PALS2: variants seen among roughly 807,000 people sequenced by gnomAD.
PALS2 encodes the protein protein PALS2.
A neutral mutation model predicts 61.6 loss-of-function variants in PALS2; 27 were observed. The ratio of observed to expected loss-of-function variants is 0.44; its 90% CI spans 0.32 to 0.60. The LOEUF is 0.60. Among genes scored for constraint, PALS2 ranks in the 20% least tolerant of loss-of-function variants. The probability of loss-of-function intolerance (pLI) is 0.05; values close to 1 mark genes in which losing one functional copy is unlikely to be tolerated. For synonymous variants in PALS2, 236 were observed against 218.6 expected (o/e 1.08, Z -0.70); for missense variants, 554 against 639.4 (o/e 0.87, Z 1.44).
At position 24,679,298 on chromosome 7, in the gene PALS2, A is replaced by G; in HGVS notation, c.1282A>G (p.Thr428Ala). 1.2e-6 allele frequency: 2 copies of G among 1,614,054 alleles called. No individual in the cohort carries two copies. The highest frequency in any genetic ancestry group is 2.7e-5 in the African/African-American group (2 of 75,040). ...KIDSILEVVQTGRTCILDVNP... is the reference protein window; with the variant it reads ...KIDSILEVVQAGRTCILDVNP... ...TGATTCTATTCTTGAGGTTGTCCAA[A>G]CTGGACGGACTTGCATTCTGGATGT... The change falls in exon 10 of 12, where the codon ACT becomes GCT. Residue 428 changes from threonine to alanine, a missense_variant. Transcript: ENST00000222644.
intron 9 of PALS2, among the ~76,000 whole-genome samples, chr7:24,672,311 T>C (rs914543844): frequency 1.3e-5 from 2 of 151,864 alleles, no homozygotes; most frequent in African/African-American, 4.8e-5. Flanking sequence ...CACTGCAGCC[T>C]CCACCTCCTG....
chr7:24,679,179 A>T lies in PALS2; in HGVS notation c.1163A>T (p.Lys388Met), dbSNP rs138961493. 3.7e-5 allele frequency: 59 copies of T among 1,613,948 alleles called. No individual in the cohort carries two copies. In the African/African-American group the frequency reaches 7.3e-4, roughly 20 times the overall value. The change falls in exon 10 of 12, where the codon AAG (lysine) becomes ATG (methionine). Residue 388 changes from lysine to methionine, a missense_variant. Transcript: ENST00000222644. ...GATGAAAAAGATGGCCAGGCATATAAGTTTGTGTCACGATCTGAGATGGAA... is the reference window on the plus strand; with the variant it reads ...GATGAAAAAGATGGCCAGGCATATATGTTTGTGTCACGATCTGAGATGGAA... ...REDEKDGQAY[K>M]FVSRSEMEAD... is the part of the protein sequence containing the mutation.
rs757869072 is a variant in PALS2 at position 24,582,883 on chromosome 7, C to CTTTTT, written c.-3+9312_-3+9316dup. Among the ~76,000 whole-genome samples, 13 of 57,468 alleles carry CTTTTT rather than the reference C, an allele frequency of 2.3e-4. 1 individual carries two copies. Among genetic ancestry groups the CTTTTT allele is most frequent in the African/African-American group, 5.6e-4 (8 of 14,250 alleles). 37.7% of individuals were successfully genotyped at this position (57,468 alleles called of 152,430 possible). On this transcript the variant is annotated intron_variant, in intron 1 of 11. Transcript: ENST00000222644. ...GCTTATTTTTGAAATGATAGTCATG[C>CTTTTT]TTTTTTTTTTTTTTTTTTTTTTTTT... is the stretch of plus-strand genomic sequence containing the variant.
chr7:24,579,171 G>A (rs1464751728), intron 1 of PALS2, among the ~76,000 whole-genome samples: 2 of 152,204 alleles, frequency 1.3e-5, no homozygotes, highest in African/African-American at 4.8e-5. Context: ...GTAAGCATCT[G>A]TAAAGGTATT....
At chr7:24,658,487 C>CA (rs1298328244) in intron 5 of PALS2, among the ~76,000 whole-genome samples, 1 of 151,970 alleles carries the variant, frequency 6.6e-6, no homozygotes, top group African/African-American at 2.4e-5. Context: ...GATTGGCTGC[C>CA]AGGCATCAAA....
intron 4 of PALS2, among the ~76,000 whole-genome samples, chr7:24,650,018 A>G (rs1283250188): frequency 2.0e-5 from 3 of 152,170 alleles, no homozygotes; most frequent in Admixed American, 1.3e-4. Context: ...GAAGATGACT[A>G]TTATGTTTCT....
intron 9 of PALS2, among the ~76,000 whole-genome samples, chr7:24,673,031 C>G (rs1046355107): frequency 6.6e-6 from 1 of 152,142 alleles, no homozygotes; most frequent in Non-Finnish European, 1.5e-5. Flanking sequence ...TCCATTTTAG[C>G]TGTGGGTTTT....
intron 1 of PALS2, among the ~76,000 whole-genome samples, chr7:24,577,542 C>T (rs1251115480): frequency 6.6e-6 from 1 of 152,022 alleles, no homozygotes; most frequent in Non-Finnish European, 1.5e-5. Flanking sequence ...TACATCTTTT[C>T]CTCTTAAATC....
intron 8 of PALS2, among the ~76,000 whole-genome samples, chr7:24,666,670 C>T (rs1787033918): frequency 6.6e-6 from 1 of 152,156 alleles, no homozygotes; most frequent in Non-Finnish European, 1.5e-5. Flanking sequence ...ACATTGTACA[C>T]ATTCATGAAA....
intron 1 of PALS2, among the ~76,000 whole-genome samples, chr7:24,583,640 T>TC (rs1338922499): frequency 1.1e-4 from 17 of 149,368 alleles, no homozygotes; most frequent in African/African-American, 3.8e-4. Flanking sequence ...TTTTTTTTTT[T>TC]CCCATGCTAA....
chr7:24,668,386 GTC>G (rs1787138078), intron 8 of PALS2, 111 bp from the exon 9 acceptor site: 1 of 965,598 alleles, frequency 1.0e-6, no homozygotes. Flanking sequence ...GTGGGTACAA[GTC>G]AAGTGATATT....
Position 24,643,342 on chromosome 7 carries a change from A to G in PALS2, c.270+1474A>G, listed in dbSNP as rs931188495. On this transcript the variant is annotated intron_variant, in intron 3 of 11. Transcript: ENST00000222644. ...TATAAAAATTTTAGAATACCAGCAA[A>G]TAAAAATACAAAAATGAAGACATTG... is the stretch of plus-strand genomic sequence containing the variant. 2.6e-5 allele frequency among the ~76,000 whole-genome samples: 4 copies of G among 152,158 alleles called. No homozygotes were observed. The East Asian group carries it at 7.7e-4, about 29-fold the overall frequency.
At chr7:24,636,828 A>C (rs369061705) in intron 2 of PALS2, among the ~76,000 whole-genome samples, 5 of 152,080 alleles carry the variant, frequency 3.3e-5, no homozygotes, top group East Asian at 3.8e-4. Flanking sequence ...TTCTGTCTTG[A>C]ATATGATTTG....
At chr7:24,653,985 C>A (rs1485290440) in intron 5 of PALS2, among the ~76,000 whole-genome samples, 1 of 152,102 alleles carries the variant, frequency 6.6e-6, no homozygotes, top group Non-Finnish European at 1.5e-5. Context: ...TTTGATGAAG[C>A]TTCCAACAGT....
rs368753446 is a variant in PALS2, at chr7:24,584,111, G to A, written c.-3+10518G>A. ...AGTCTTTGCTATTATGAATAATGCC[G>A]CAATAAACATACGTGTGCATGTGTC... On this transcript the variant is annotated intron_variant, in intron 1 of 11. Transcript: ENST00000222644. Among the ~76,000 whole-genome samples, 7 of 149,712 alleles carry A rather than the reference G, an allele frequency of 4.7e-5. No individual in the cohort carries two copies. The East Asian group carries it at 8.4e-4, about 18-fold the overall frequency.
intron 1 of PALS2, among the ~76,000 whole-genome samples, chr7:24,592,745 A>G (rs1435879344): frequency 1.3e-5 from 2 of 152,174 alleles, no homozygotes; most frequent in African/African-American, 2.4e-5. Flanking sequence ...AGTATACAAT[A>G]GCATTATGAC....
intron 1 of PALS2, among the ~76,000 whole-genome samples, chr7:24,617,465 G>A (rs1440572321): frequency 6.6e-6 from 1 of 152,104 alleles, no homozygotes. Context: ...GTTTGATGTA[G>A]CTCTACATTG....
chr7:24,692,097 A>G lies in PALS2; in HGVS notation c.*4483A>G, dbSNP rs932034437. On this transcript the variant is annotated 3_prime_UTR_variant, in exon 12 of 12. Transcript: ENST00000222644. ...TATTCTTTTTAAAATATTTCCCATA[A>G]TTCATCATGCTAGCTTCTGTGTTCT... is the stretch of plus-strand genomic sequence containing the variant. 1.5e-4 allele frequency: 23 copies of G among 152,190 alleles called. No individual in the cohort carries two copies. Among genetic ancestry groups the G allele is most frequent in the Admixed American group, 3.3e-4 (5 of 15,280 alleles). 9.4% of individuals were successfully genotyped at this position (152,190 alleles called of 1,614,324 possible).
chr7:24,586,182 G>A (rs1394839682), intron 1 of PALS2, among the ~76,000 whole-genome samples: 3 of 151,836 alleles, frequency 2.0e-5, no homozygotes, highest in African/African-American at 7.3e-5. Context: ...AAGATGTTAG[G>A]GGAAAACAAA....
Sources: allele counts gnomAD v4.1 joint callset (sites outside exome capture counted in the v4.1 genomes callset), GRCh38; gene constraint gnomAD v4.1.1; transcripts MANE v1.5; gene names NCBI Gene and HGNC (gene_info 2026-07-23, HGNC 2026-07-21).